DAB1: variants seen among roughly 807,000 people sequenced by gnomAD.
DAB1 encodes disabled homolog 1.
Under a neutral mutation model 64.6 loss-of-function variants are expected in DAB1, and 15 were observed. The observed-to-expected ratio is 0.23, with a 90% confidence interval of 0.16 to 0.36. The LOEUF (loss-of-function observed/expected upper bound fraction) is 0.36. Ranked by LOEUF, DAB1 falls within the 10% of genes least tolerant of loss-of-function variation. The probability of loss-of-function intolerance (pLI) is 1.00; values close to 1 mark genes in which losing one functional copy is unlikely to be tolerated. For synonymous variants in DAB1, 235 were observed against 251.9 expected, an observed-to-expected ratio of 0.93 and a Z score of 0.64; for missense variants, 596 against 706.7, an observed-to-expected ratio of 0.84 and a Z score of 1.78.
chr1:58,059,542 T>C (rs7515158), intron 5 of DAB1, among the ~76,000 whole-genome samples: 30,584 of 152,216 alleles, frequency 0.2, 3,419 homozygotes, highest in East Asian at 0.31. Flanking sequence ...TCTTTTTATT[T>C]ATGCACATAT....
rs146765405 is a variant in DAB1, at chr1:57,026,118, G to A, written c.724-75C>T. 7.8e-4 allele frequency: 820 copies of A among 1,050,202 alleles called. 5 individuals carry two copies. The highest frequency in any genetic ancestry group is 7.3e-3 in the South Asian group (516 of 71,056). The allele number at this position is 1,050,202 out of a possible 1,614,324, so 65.1% of individuals were successfully genotyped here. ...CTGGGCCCTGCTTTACACACAGTAT[G>A]GTATGGGGATACACATTTCTGTTTT... On this transcript the variant is annotated intron_variant, in intron 9 of 14. Coordinates refer to ENST00000371236, the MANE Select transcript of DAB1 (RefSeq NM_001365792.1).
chr1:57,204,759 A>C (rs1665404262), intron 2 of DAB1, among the ~76,000 whole-genome samples: 1 of 152,220 alleles, frequency 6.6e-6, no homozygotes, highest in Admixed American at 6.5e-5. Context: ...CAACAAATAT[A>C]AGGTGAATTA....
intron 1 of DAB1, among the ~76,000 whole-genome samples, chr1:57,323,047 A>ATTTTTTT (rs10671263): frequency 5.9e-5 from 9 of 151,560 alleles, no homozygotes; most frequent in African/African-American, 2.2e-4. Flanking sequence ...GAGTTCTGAG[A>ATTTTTTT]TTTTTTTTTG....
intron 7 of DAB1, among the ~76,000 whole-genome samples, chr1:57,478,244 T>C (rs530897666): frequency 6.6e-6 from 1 of 152,260 alleles, no homozygotes; most frequent in South Asian, 2.1e-4. Context: ...GCTCTCATAA[T>C]GTATTTGATT....
chr1:58,293,491 A>G (rs1661894988), intron 4 of DAB1, among the ~76,000 whole-genome samples: 1 of 152,238 alleles, frequency 6.6e-6, no homozygotes, highest in African/African-American at 2.4e-5. Flanking sequence ...TAAGAAGAGA[A>G]AATAACCCAG....
chr1:57,613,433 A>T (rs1317098041), intron 7 of DAB1, among the ~76,000 whole-genome samples: 1 of 152,140 alleles, frequency 6.6e-6, no homozygotes, highest in African/African-American at 2.4e-5. Flanking sequence ...GCTCTGTCAG[A>T]TATGTGCACC....
chr1:57,034,402 C>A (rs1338190244), intron 9 of DAB1, among the ~76,000 whole-genome samples: 2 of 152,088 alleles, frequency 1.3e-5, no homozygotes, highest in South Asian at 2.1e-4. Flanking sequence ...AATTGAAATC[C>A]TCCTGAGTGT....
At chr1:57,185,506 G>A (rs976185494) in intron 2 of DAB1, among the ~76,000 whole-genome samples, 2 of 140,856 alleles carry the variant, frequency 1.4e-5, no homozygotes, top group East Asian at 4.2e-4. Flanking sequence ...AGAGAGGCAG[G>A]AATCCTAGGC....
At chr1:57,612,186 G>A (rs1008956894) in intron 7 of DAB1, among the ~76,000 whole-genome samples, 1 of 131,572 alleles carries the variant, frequency 7.6e-6, no homozygotes, top group Admixed American at 7.5e-5. Context: ...ATCCATGTTT[G>A]GCATGATCTT....
chr1:57,482,213 A>T (rs1397416584), intron 7 of DAB1, among the ~76,000 whole-genome samples: 2 of 152,180 alleles, frequency 1.3e-5, no homozygotes, highest in African/African-American at 2.4e-5. Context: ...AAGAGCGATG[A>T]TAAAAAATGC....
At position 58,541,225 on chromosome 1, in the gene DAB1, C is replaced by T. The variant is rs545789533; in HGVS notation, n.32+5478G>A. On this transcript the variant is annotated intron_variant and non_coding_transcript_variant, in intron 1 of 20. Transcript: ENST00000485760. ...AGGAGAATCGCTTGAACCCGGGAGG[C>T]GGAGGTTGCAGTGAGCCGAGATGAC... Among the ~76,000 whole-genome samples, 20 of 126,124 alleles carry T rather than the reference C, an allele frequency of 1.6e-4. No individual in the cohort carries two copies. In the South Asian group the frequency reaches 4.9e-3, roughly 31 times the overall value. 82.7% of individuals were successfully genotyped at this position (126,124 alleles called of 152,430 possible). A position where few individuals can be genotyped will look rare whatever the true frequency, so the allele number is the denominator to read the frequency against.
rs1167606584 is a variant in DAB1, at chr1:58,529,006, C to T, written n.33-1671G>A. Among the ~76,000 whole-genome samples the T allele has an allele frequency of 2.0e-5, 3 of 152,214 alleles. No homozygotes were observed. In the East Asian group the frequency reaches 5.8e-4, roughly 29 times the overall value. On this transcript the variant is annotated intron_variant and non_coding_transcript_variant, in intron 1 of 20. Coordinates refer to the DAB1 transcript ENST00000485760. ...GTGCTGATTCCATTATAAAAAAAAG[C>T]AATCTATAGATAGATCAGGAAAATA...
intron 5 of DAB1, among the ~76,000 whole-genome samples, chr1:57,984,292 C>T (rs1646157997): frequency 6.6e-6 from 1 of 151,356 alleles, no homozygotes; most frequent in Non-Finnish European, 1.5e-5. Flanking sequence ...CCCATTGCTT[C>T]AAATATCTGC....
intron 7 of DAB1, among the ~76,000 whole-genome samples, chr1:57,526,866 C>A (rs1397615896): frequency 6.6e-6 from 1 of 152,028 alleles, no homozygotes; most frequent in Non-Finnish European, 1.5e-5. Context: ...TTATTATTAT[C>A]TTTTTAGGGA....
intron 1 of DAB1, among the ~76,000 whole-genome samples, chr1:57,343,722 C>T (rs1016878118): frequency 1.3e-5 from 2 of 152,238 alleles, no homozygotes; most frequent in Admixed American, 6.5e-5. Flanking sequence ...GCGGAGCCCA[C>T]GCCCACCCAG....
chr1:57,663,609 T>C (rs1467975804), intron 6 of DAB1, among the ~76,000 whole-genome samples: 1 of 152,184 alleles, frequency 6.6e-6, no homozygotes, highest in African/African-American at 2.4e-5. Context: ...GAGTTGAACA[T>C]CTTTCCCTCC....
intron 2 of DAB1, among the ~76,000 whole-genome samples, chr1:57,267,087 T>C (rs1009203579): frequency 5.3e-5 from 8 of 152,078 alleles, no homozygotes; most frequent in Admixed American, 4.6e-4. Context: ...ATTAAGAATC[T>C]TGAGATGAAA....
chr1:57,625,528 C>T (rs1645912467), intron 7 of DAB1, among the ~76,000 whole-genome samples: 2 of 152,044 alleles, frequency 1.3e-5, no homozygotes, highest in African/African-American at 4.8e-5. Context: ...CAATCAGCAC[C>T]CACTCTGGCA....
At chr1:57,240,602 A>G (rs545959959) in intron 2 of DAB1, among the ~76,000 whole-genome samples, 4 of 152,294 alleles carry the variant, frequency 2.6e-5, no homozygotes, top group African/African-American at 9.6e-5. Context: ...ACTCAAACTC[A>G]GGTCTTCTGA....
Sources: gnomAD v4.1 joint callset for allele counts (sites outside exome capture counted in the v4.1 genomes callset) on GRCh38, gnomAD v4.1.1 for gene constraint, MANE v1.5 for transcripts, NCBI Gene and HGNC (gene_info 2026-07-23, HGNC 2026-07-21) for gene names.